Variants in OSBPL11 observed in about 807,000 individuals in gnomAD.
OSBPL11 encodes the protein oxysterol binding protein like 11.
Under a neutral mutation model 84.4 loss-of-function variants are expected in OSBPL11, and 33 were observed. The observed-to-expected ratio is 0.39, with a 90% CI of 0.30 to 0.52. OSBPL11 has a LOEUF of 0.52. OSBPL11 is among the 20% of genes least tolerant of loss of function. The pLI is 0.72. For synonymous variants in OSBPL11, 276 were observed against 310.2 expected, an observed-to-expected ratio of 0.89 and a Z score of 1.16; for missense variants, 736 against 901.1, an observed-to-expected ratio of 0.82 and a Z score of 2.35.
In OSBPL11 at chr3:125,563,830, CTCG is replaced by C; in HGVS notation, c.879_881del (p.Ile293_Glu294delinsMet). 2 of 1,613,820 alleles carry C rather than the reference CTCG, an allele frequency of 1.2e-6. No individual in the cohort carries two copies. Among genetic ancestry groups the C allele is most frequent in the Middle Eastern group, 1.7e-4 (1 of 6,008 alleles). ...ATAAAGATATCTTTGGTTCTAACCA[CTCG>C]ATTGTCGTTCCTGATGGAGTAAGAG... is the stretch of plus-strand genomic sequence containing the variant. On this transcript the variant is annotated inframe_deletion, in exon 7 of 13. Transcript: ENST00000296220.
rs1935837306 is a variant in OSBPL11 at position 125,547,478 on chromosome 3, T to C, written c.1769A>G (p.Asn590Ser). The C allele has an allele frequency of 1.2e-6, 2 of 1,614,016 alleles. No individual in the cohort carries two copies. The highest frequency in any genetic ancestry group is 1.3e-5 in the African/African-American group (1 of 74,918). ...WVELGGKVSV[N>S]CAKTGYSASI... is the part of the protein sequence containing the mutation. ...GGCTGAATATCCAGTTTTTGCACAGTTGACACTGACTTTGCCACCCAGTTC... is the reference window on the plus strand; with the variant it reads ...GGCTGAATATCCAGTTTTTGCACAGCTGACACTGACTTTGCCACCCAGTTC... Residue 590 changes from asparagine to serine, a missense_variant, in exon 10 of 13, where the codon AAC becomes AGC. Asn to Ser is a conservative substitution (Grantham distance 46, BLOSUM62 1). Around this residue, in one of 3 missense-constraint regions of OSBPL11, gnomAD observed 579 missense variants for 717.6 expected, o/e 0.81. Coordinates refer to ENST00000296220, the MANE Select transcript of OSBPL11 (RefSeq NM_022776.5).
intron 10 of OSBPL11, among the ~76,000 whole-genome samples, chr3:125,545,115 T>C (rs966569440): frequency 7.9e-5 from 12 of 152,212 alleles, no homozygotes; most frequent in Non-Finnish European, 1.6e-4. Context: ...TTGGGTTTCA[T>C]GGTATATATA....
Position 125,570,330 on chromosome 3 carries a change from CA to C in OSBPL11, c.667-2736del, listed in dbSNP as rs1251584217. Among the ~76,000 whole-genome samples the C allele has an allele frequency of 1.3e-3, 152 of 119,252 alleles. 1 individual carries two copies. The highest frequency in any genetic ancestry group is 1.6e-3 in the Admixed American group (18 of 11,496). The allele number at this position is 119,252 out of a possible 152,430, so 78.2% of individuals were successfully genotyped here. A position where few individuals can be genotyped will look rare whatever the true frequency, so the allele number is the denominator to read the frequency against. On this transcript the variant is annotated intron_variant, in intron 5 of 12. Coordinates refer to ENST00000296220, the MANE Select transcript of OSBPL11 (RefSeq NM_022776.5). ...AACACAGCAAGACACCCATCTCTAG[CA>C]AAAAAAAAAAAAAAGAAAGAAAGAA...
rs186095384 is a variant in OSBPL11 at position 125,560,304 on chromosome 3, A to C, written c.1155+75T>G. 1.7e-5 allele frequency: 21 copies of C among 1,235,928 alleles called. No homozygotes were observed. In the East Asian group the frequency reaches 5.3e-4, roughly 31 times the overall value. The allele number at this position is 1,235,928 out of a possible 1,614,324, so 76.6% of individuals were successfully genotyped here. ...AAATTTAAAAAGTAAATAAATAAAA[A>C]GTCCTGACATAAACATGAACAATTA... On this transcript the variant is annotated intron_variant, in intron 8 of 12. Transcript: ENST00000296220.
chr3:125,538,873 C>A (rs1160408968), intron 10 of OSBPL11, among the ~76,000 whole-genome samples: 1 of 152,086 alleles, frequency 6.6e-6, no homozygotes, highest in Non-Finnish European at 1.5e-5. Context: ...TCAGAGACTT[C>A]ATTATCATTA....
intron 9 of OSBPL11, among the ~76,000 whole-genome samples, chr3:125,551,631 T>TGTGGTGGC (rs999739766): frequency 6.6e-6 from 1 of 151,722 alleles, no homozygotes; most frequent in Non-Finnish European, 1.5e-5. Context: ...ATTAGCTGGG[T>TGTGGTGGC]GTGGTGGCAT....
intron 2 of OSBPL11, among the ~76,000 whole-genome samples, chr3:125,581,965 C>A (rs1042258412): frequency 6.6e-6 from 1 of 151,616 alleles, no homozygotes; most frequent in African/African-American, 2.4e-5. Context: ...CAGAGCAAGA[C>A]CCTGTCTCAA....
intron 10 of OSBPL11, among the ~76,000 whole-genome samples, chr3:125,542,103 G>A (rs975039945): frequency 5.9e-5 from 9 of 152,118 alleles, no homozygotes; most frequent in African/African-American, 1.7e-4. Flanking sequence ...AAAATAACCC[G>A]AAGAAATAAA....
intron 1 of OSBPL11, among the ~76,000 whole-genome samples, chr3:125,589,356 A>AAAC (rs1553737149): frequency 1.3e-5 from 2 of 151,676 alleles, no homozygotes; most frequent in Non-Finnish European, 2.9e-5. Flanking sequence ...AAAAAAAAAA[A>AAAC]AAAACAAAAC....
chr3:125,559,260 T>C (rs896009723), intron 8 of OSBPL11, among the ~76,000 whole-genome samples: 2 of 152,236 alleles, frequency 1.3e-5, no homozygotes, highest in African/African-American at 4.8e-5. Flanking sequence ...CTTTTCATAG[T>C]TCTGTAGGAT....
intron 1 of OSBPL11, among the ~76,000 whole-genome samples, chr3:125,589,625 A>C (rs1189089804): frequency 6.6e-6 from 1 of 152,048 alleles, no homozygotes; most frequent in African/African-American, 2.4e-5. Flanking sequence ...AGGAAAAAAA[A>C]AAAAAAAGCA....
intron 2 of OSBPL11, among the ~76,000 whole-genome samples, chr3:125,582,479 T>C (rs1262809599): frequency 1.3e-5 from 2 of 152,226 alleles, no homozygotes; most frequent in Admixed American, 6.5e-5. Flanking sequence ...TTGAGATAGC[T>C]GGTTTTCCTG....
In OSBPL11 at chr3:125,529,787, T is replaced by C. The variant is rs1232098512; in HGVS notation, c.*728A>G. On this transcript the variant is annotated 3_prime_UTR_variant, in exon 13 of 13. Coordinates refer to ENST00000296220, the MANE Select transcript of OSBPL11 (RefSeq NM_022776.5). The stretch of plus-strand genomic sequence containing the variant: ...TTTAATAAAACTAGGTACTGAAAAA[T>C]GTTCTGAAATTTTTCAAGTCAATGT... The C allele has an allele frequency of 2.0e-5, 3 of 152,478 alleles. No homozygotes were observed. Among genetic ancestry groups the C allele is most frequent in the Non-Finnish European group, 4.4e-5 (3 of 67,994 alleles). 9.4% of individuals were successfully genotyped at this position (152,478 alleles called of 1,614,324 possible).
At chr3:125,575,106 A>G (rs190130335) in intron 5 of OSBPL11, among the ~76,000 whole-genome samples, 6 of 152,334 alleles carry the variant, frequency 3.9e-5, no homozygotes, top group Admixed American at 2.6e-4. Flanking sequence ...TAGTTCAACT[A>G]AAACAACATA....
At position 125,530,529 on chromosome 3, in the gene OSBPL11, GTGT is replaced by G. The variant is rs768480275; in HGVS notation, c.2227_2229del (p.Thr743del). The G allele has an allele frequency of 6.2e-7, 1 of 1,613,766 alleles. No individual in the cohort carries two copies. Among genetic ancestry groups the G allele is most frequent in the East Asian group, 2.2e-5 (1 of 44,864 alleles). On this transcript the variant is annotated inframe_deletion, in exon 13 of 13. Transcript: ENST00000296220. Reference sequence around the variant, plus strand: ...GATAGTATGTGTCACTCTGCTGGTTGTGTTGTTGGAATTATTTTCCAAAGTGGT... The same window carrying G: ...GATAGTATGTGTCACTCTGCTGGTTGTGTTGGAATTATTTTCCAAAGTGGT...
In OSBPL11 at chr3:125,547,420, A is replaced by C. The variant is rs149852832; in HGVS notation, c.1827T>G (p.Gly609=). 21 of 1,613,212 alleles carry C rather than the reference A, an allele frequency of 1.3e-5. No individual in the cohort carries two copies. The highest frequency in any genetic ancestry group is 1.7e-5 in the Non-Finnish European group (20 of 1,179,848). The change falls in exon 10 of 13, where the codon GGT becomes GGG. Residue 609 remains glycine, a synonymous_variant. Coordinates refer to ENST00000296220, the MANE Select transcript of OSBPL11 (RefSeq NM_022776.5). Reference sequence around the variant, plus strand: ...AATGTTCTTACCGATGCAGTTTGCCACCATAAAATGGCTTGGTATGAAAAG... The same window carrying C: ...AATGTTCTTACCGATGCAGTTTGCCCCCATAAAATGGCTTGGTATGAAAAG... ...SITFHTKPFY[G]GKLHRVTAEV...
intron 6 of OSBPL11, among the ~76,000 whole-genome samples, chr3:125,565,847 C>A (rs1199968286): frequency 2.0e-5 from 3 of 151,858 alleles, no homozygotes; most frequent in Non-Finnish European, 4.4e-5. Flanking sequence ...GCCCTTTCCT[C>A]TACCTCTCAC....
intron 10 of OSBPL11, among the ~76,000 whole-genome samples, chr3:125,540,598 G>A (rs1278535875): frequency 6.6e-6 from 1 of 152,116 alleles, no homozygotes; most frequent in East Asian, 1.9e-4. Context: ...AGGATATGAG[G>A]AAGTGACACT....
At chr3:125,539,436 G>GT (rs1353277559) in intron 10 of OSBPL11, among the ~76,000 whole-genome samples, 1 of 150,734 alleles carries the variant, frequency 6.6e-6, no homozygotes, top group Non-Finnish European at 1.5e-5. Context: ...CGGAACAGGT[G>GT]TAATTGTTAT....
Sources: allele counts gnomAD v4.1 joint callset (sites outside exome capture counted in the v4.1 genomes callset), GRCh38; gene constraint gnomAD v4.1.1; regional missense constraint gnomAD v4.1.1; transcripts MANE v1.5; gene names NCBI Gene and HGNC (gene_info 2026-07-23, HGNC 2026-07-21).